Variants in PDE8B observed in about 807,000 individuals in gnomAD.
The protein encoded by PDE8B is high affinity cAMP-specific and IBMX-insensitive 3',5'-cyclic phosphodiesterase 8B.
Under a neutral mutation model 101.3 loss-of-function variants are expected in PDE8B, and 26 were observed. The observed-to-expected ratio is 0.26, with a 90% CI of 0.19 to 0.36. The LOEUF is 0.36. Ranked by LOEUF, PDE8B falls within the 10% of genes least tolerant of loss-of-function variation. The pLI is 1.00. For missense variants in PDE8B, 810 were observed against 1,163.1 expected (o/e 0.70, Z 4.42); for synonymous variants, 424 against 429.3 (o/e 0.99, Z 0.15).
chr5:77,203,372 C>T, the PDE8B span, among the ~76,000 whole-genome samples: 34 of 152,300 alleles, frequency 2.2e-4, no homozygotes, highest in African/African-American at 8.2e-4. Context: ...AATGTTAACG[C>T]AATTCTCTTG....
chr5:77,375,141 A>G (rs1190149214), intron 10 of PDE8B, among the ~76,000 whole-genome samples: 1 of 152,222 alleles, frequency 6.6e-6, no homozygotes, highest in Non-Finnish European at 1.5e-5. Context: ...TGATGTGGAC[A>G]CTAACGAAGC....
intron 1 of PDE8B, among the ~76,000 whole-genome samples, chr5:77,307,799 C>G (rs1318001429): frequency 6.6e-6 from 1 of 152,186 alleles, no homozygotes; most frequent in Non-Finnish European, 1.5e-5. Context: ...GTGTGTCTCT[C>G]TTCACACTCT....
At chr5:77,392,804 T>G (rs1325628857) in intron 10 of PDE8B, among the ~76,000 whole-genome samples, 1 of 152,198 alleles carries the variant, frequency 6.6e-6, no homozygotes, top group African/African-American at 2.4e-5. Context: ...TCAGGCCCAG[T>G]GGGATTCCAA....
chr5:77,118,219 T>C, the PDE8B span: 1 of 390,946 alleles, frequency 2.6e-6, no homozygotes, highest in Non-Finnish European at 4.5e-6. Flanking sequence ...AGTGCTGGGA[T>C]TACCGGTGTG....
chr5:77,257,391 G>A (rs1759416000), intron 1 of PDE8B, among the ~76,000 whole-genome samples: 1 of 152,076 alleles, frequency 6.6e-6, no homozygotes, highest in South Asian at 2.1e-4. Context: ...CACCAGCCTA[G>A]TACTAACCAA....
chr5:77,097,998 C>T, the PDE8B span, among the ~76,000 whole-genome samples: 3 of 151,312 alleles, frequency 2.0e-5, no homozygotes, highest in East Asian at 6.0e-4. Context: ...CCACTCTCTA[C>T]ATGCTTTCTT....
At chr5:77,212,674 G>A (rs997477934) in intron 1 of PDE8B, among the ~76,000 whole-genome samples, 1 of 152,194 alleles carries the variant, frequency 6.6e-6, no homozygotes, top group African/African-American at 2.4e-5. Context: ...ATTTATGACA[G>A]TACAAACCTA....
At chr5:77,291,137 T>C (rs936515086) in intron 1 of PDE8B, 28 of 1,610,822 alleles carry the variant, frequency 1.7e-5, no homozygotes, top group Non-Finnish European at 2.4e-5. Context: ...TTCCATCAGC[T>C]CTCTTCACTG....
chr5:77,253,768 A>T (rs1290896583), intron 1 of PDE8B, among the ~76,000 whole-genome samples: 1 of 152,112 alleles, frequency 6.6e-6, no homozygotes, highest in Non-Finnish European at 1.5e-5. Context: ...AAAGAGGGCA[A>T]CCTTAGGTGA....
chr5:77,087,224 T>C, the PDE8B span: 1 of 152,210 alleles, frequency 6.6e-6, no homozygotes, highest in Admixed American at 6.5e-5. Context: ...CCTCCGCGCG[T>C]GCCCCTTAAA....
At chr5:77,099,943 G>A in the PDE8B span, among the ~76,000 whole-genome samples, 1 of 152,138 alleles carries the variant, frequency 6.6e-6, no homozygotes, top group Non-Finnish European at 1.5e-5. Context: ...TGGAATGAGA[G>A]GAAAATACTG....
rs755226259 is a variant in PDE8B, at chr5:77,328,989, T to A, written c.591-9T>A. The A allele has an allele frequency of 6.2e-7, 1 of 1,613,462 alleles. No individual in the cohort carries two copies. Among genetic ancestry groups the A allele is most frequent in the Admixed American group, 1.7e-5 (1 of 60,024 alleles). ...TCACCTTGTTTGACTTGGAGCCTTC[T>A]CATTGCAGGTCGATCCGGGCCACAA... On this transcript the variant is annotated splice_polypyrimidine_tract_variant and intron_variant, in intron 3 of 21. Transcript: ENST00000264917.
intron 1 of PDE8B, among the ~76,000 whole-genome samples, chr5:77,309,118 G>A (rs1411536561): frequency 6.6e-6 from 1 of 151,672 alleles, no homozygotes; most frequent in Non-Finnish European, 1.5e-5. Context: ...GATGGAGGTT[G>A]TAGTGAGCCA....
intron 1 of PDE8B, chr5:77,290,785 A>G (rs1767134081): frequency 6.8e-7 from 1 of 1,480,866 alleles, no homozygotes. Flanking sequence ...GTGGCAGTGT[A>G]TGGTTGGAAC....
chr5:77,413,016 A>G, intron 16 of PDE8B, 95 bp from the exon 17 acceptor site: 1 of 986,712 alleles, frequency 1.0e-6, no homozygotes, highest in Non-Finnish European at 1.6e-6. Context: ...AGCTATCATC[A>G]GAAGAAAAAT....
At chr5:77,404,543 A>G (rs1317668926) in intron 11 of PDE8B, among the ~76,000 whole-genome samples, 177 bp from the exon 12 acceptor site, 1 of 152,248 alleles carries the variant, frequency 6.6e-6, no homozygotes, top group Non-Finnish European at 1.5e-5. Flanking sequence ...TAATATGACT[A>G]TAATTTTTGT....
At chr5:77,190,245 A>T in the PDE8B span, among the ~76,000 whole-genome samples, 1 of 152,162 alleles carries the variant, frequency 6.6e-6, no homozygotes, top group Admixed American at 6.5e-5. Context: ...CCTTCCAGGG[A>T]GTTCTAAGGC....
intron 10 of PDE8B, among the ~76,000 whole-genome samples, chr5:77,398,096 C>CT (rs35870926): frequency 0.21 from 32,310 of 151,844 alleles, 4,110 homozygotes; most frequent in Non-Finnish European, 0.3. Flanking sequence ...TTGGAAATTC[C>CT]TTTTTTTAGA....
upstream of PDE8B, among the ~76,000 whole-genome samples, chr5:77,206,307 A>C (rs999948105): frequency 6.6e-6 from 1 of 152,216 alleles, no homozygotes; most frequent in Admixed American, 6.5e-5. Flanking sequence ...GACAATAAAC[A>C]TAATAGTAAG....
Sources: allele counts gnomAD v4.1 joint callset (sites outside exome capture counted in the v4.1 genomes callset), GRCh38; gene constraint gnomAD v4.1.1; transcripts MANE v1.5; gene names NCBI Gene and HGNC (gene_info 2026-07-23, HGNC 2026-07-21).